MLN: variants seen among roughly 807,000 people sequenced by gnomAD.
MLN encodes the protein promotilin.
In MLN, 14 loss-of-function variants were observed where a neutral mutation model predicts 13.3. The ratio of observed to expected loss-of-function variants is 1.05; its 90% confidence interval spans 0.69 to 1.64. The LOEUF (loss-of-function observed/expected upper bound fraction) is 1.64, where lower values mean the gene tolerates loss of function less well. Ranked by LOEUF, MLN falls within the 40% of genes most tolerant of loss-of-function variation. MLN has a pLI of 0.00. For missense variants in MLN, 122 were observed against 142.9 expected (o/e 0.85, Z 0.75); for synonymous variants, 59 against 54.7 (o/e 1.08, Z -0.34).
At position 33,795,048 on chromosome 6, in the gene MLN, G is replaced by A. The variant is rs72896131; in HGVS notation, c.338-213C>T. On this transcript the variant is annotated intron_variant, in intron 4 of 4. Transcript: ENST00000430124. ...TCTCCATCACTAACAGCACTTCCTC[G>A]AGTCTCTCCTCTCCTCCTGGGGACT... Among the ~76,000 whole-genome samples, 268 of 152,320 alleles carry A rather than the reference G, an allele frequency of 1.8e-3. 1 individual carries two copies. The highest frequency in any genetic ancestry group is 3.4e-3 in the Middle Eastern group (1 of 294).
Position 33,795,546 on chromosome 6 carries a change from C to A in MLN, c.294G>T (p.Pro98=). 6.4e-7 allele frequency: 1 copy of A among 1,567,488 alleles called. No individual in the cohort carries two copies. Among genetic ancestry groups the A allele is most frequent in the East Asian group, 2.3e-5 (1 of 43,066 alleles). ...CACTCAGCAGCCCTTCCAGGGTGGC[C>A]GGGTACTTTTCCAGCTGTCTGGAGT... The part of the protein sequence containing the change: ...RMNSRQLEKY[P]ATLEGLLSEM... Residue 98 remains proline (P), a synonymous_variant, in exon 4 of 5, where the codon CCG becomes CCT. Transcript: ENST00000430124.
At chr6:33,794,946 G>A in intron 4 of MLN, 111 bp from the exon 5 acceptor site, 1 of 1,379,502 alleles carries the variant, frequency 7.2e-7, no homozygotes, top group Non-Finnish European at 1.0e-6. Context: ...AGGGCAGGCT[G>A]GGCGGGAAGG....
At chr6:33,800,698 C>G (rs534929867) in intron 2 of MLN, among the ~76,000 whole-genome samples, 15 of 152,372 alleles carry the variant, frequency 9.8e-5, no homozygotes, top group African/African-American at 3.6e-4. Context: ...ATGTTCGTAT[C>G]TTGGCACCCC....
intron 3 of MLN, among the ~76,000 whole-genome samples, chr6:33,796,002 C>T (rs1767910391): frequency 6.7e-6 from 1 of 149,732 alleles, no homozygotes; most frequent in Non-Finnish European, 1.5e-5. Context: ...CTCTGTCGCC[C>T]AGGCTGGAGT....
chr6:33,801,770 A>G (rs1459268672), intron 1 of MLN, among the ~76,000 whole-genome samples: 2 of 152,208 alleles, frequency 1.3e-5, no homozygotes, highest in Admixed American at 1.3e-4. Flanking sequence ...CCGTTGGGGG[A>G]GCGATGGCTT....
At chr6:33,802,611 C>A (rs73412157) in intron 1 of MLN, among the ~76,000 whole-genome samples, 7,339 of 152,298 alleles carry the variant, frequency 0.048, 473 homozygotes, top group African/African-American at 0.15. Context: ...CTTCCCACTT[C>A]CTATTTTCTC....
At chr6:33,800,843 G>A (rs1478431761) in intron 2 of MLN, among the ~76,000 whole-genome samples, 1 of 152,222 alleles carries the variant, frequency 6.6e-6, no homozygotes, top group Non-Finnish European at 1.5e-5. Flanking sequence ...TCCTCCAAAG[G>A]ATAGGCAGGG....
chr6:33,798,630 G>A (rs1226928999), intron 3 of MLN, among the ~76,000 whole-genome samples: 1 of 152,216 alleles, frequency 6.6e-6, no homozygotes, highest in Non-Finnish European at 1.5e-5. Flanking sequence ...GGCGCTGCAT[G>A]CAGGCCCTGC....
intron 3 of MLN, among the ~76,000 whole-genome samples, chr6:33,797,688 G>A (rs12153877): frequency 0.12 from 18,168 of 151,942 alleles, 1,485 homozygotes; most frequent in Middle Eastern, 0.23. Flanking sequence ...CTCCAAGACC[G>A]CCCGAGGCCG....
rs765216527 is a variant in MLN at position 33,801,177 on chromosome 6, A to G, written c.-7-7T>C. On this transcript the variant is annotated splice_region_variant and splice_polypyrimidine_tract_variant and intron_variant, in intron 1 of 4. Transcript: ENST00000430124. ...ACGGGATACCATCTTGGAGCTGGAC[A>G]ATGACAAGGAGCTCTTGTCACTAAG... 6.2e-7 allele frequency: 1 copy of G among 1,601,882 alleles called. No homozygotes were observed. The highest frequency in any genetic ancestry group is 1.1e-5 in the South Asian group (1 of 90,754).
intron 3 of MLN, among the ~76,000 whole-genome samples, chr6:33,797,700 ACTCT>A (rs59491427): frequency 0.031 from 4,698 of 151,934 alleles, 104 homozygotes; most frequent in Non-Finnish European, 0.04. Flanking sequence ...CCGAGGCCGA[ACTCT>A]CTCTCTCTCT....
At chr6:33,801,323 T>G (rs1346190929) in intron 1 of MLN, among the ~76,000 whole-genome samples, 153 bp from the exon 2 acceptor site, 1 of 152,240 alleles carries the variant, frequency 6.6e-6, no homozygotes, top group Non-Finnish European at 1.5e-5. Context: ...GGGCCTGGTA[T>G]CAGAGCTTGA....
intron 1 of MLN, 38 bp from the exon 2 acceptor site, chr6:33,801,208 G>A: frequency 6.6e-7 from 1 of 1,506,694 alleles, no homozygotes; most frequent in Non-Finnish European, 9.2e-7. Flanking sequence ...CTAAGTTTGG[G>A]GTACAGTGGC....
intron 3 of MLN, among the ~76,000 whole-genome samples, 170 bp downstream of exon 3, chr6:33,798,935 A>T (rs549562431): frequency 6.6e-6 from 1 of 152,156 alleles, no homozygotes; most frequent in East Asian, 1.9e-4. Context: ...TCGTTGCTGG[A>T]GTCCGTCTCT....
chr6:33,797,586 T>C (rs527580498), intron 3 of MLN, among the ~76,000 whole-genome samples: 23 of 152,304 alleles, frequency 1.5e-4, no homozygotes, highest in African/African-American at 5.5e-4. Flanking sequence ...CAATTTTCAC[T>C]TTTTCTTTAC....
chr6:33,796,808 T>C (rs1465194798), intron 3 of MLN, among the ~76,000 whole-genome samples: 1 of 152,176 alleles, frequency 6.6e-6, no homozygotes, highest in African/African-American at 2.4e-5. Context: ...CTCTCAGCTC[T>C]GTATGTTGTG....
chr6:33,795,659 C>A lies in MLN; in HGVS notation c.235-54G>T, dbSNP rs546786839. 6 of 1,471,098 alleles carry A rather than the reference C, an allele frequency of 4.1e-6. No homozygotes were observed. The Admixed American group carries it at 9.8e-5, about 24-fold the overall frequency. The allele number at this position is 1,471,098 out of a possible 1,614,324, so 91.1% of individuals were successfully genotyped here. On this transcript the variant is annotated intron_variant, in intron 3 of 4. Transcript: ENST00000430124. Reference sequence around the variant, plus strand: ...GGGAGAGGTGGAGAGGGCCCTTAACCCCTGGGTGCACTACAGGTGGCAGGA... The same window carrying A: ...GGGAGAGGTGGAGAGGGCCCTTAACACCTGGGTGCACTACAGGTGGCAGGA...
In MLN at chr6:33,799,449, TGAA is replaced by T. The variant is rs376110803; in HGVS notation, c.118-231_118-229del. Among the ~76,000 whole-genome samples the T allele has an allele frequency of 2.2e-4, 33 of 152,326 alleles. No homozygotes were observed. Among genetic ancestry groups the T allele is most frequent in the African/African-American group, 7.7e-4 (32 of 41,574 alleles). On this transcript the variant is annotated intron_variant, in intron 2 of 4. Coordinates refer to ENST00000430124, the MANE Select transcript of MLN (RefSeq NM_002418.3). This position sits in a 1 kb window ranked among gnomAD's most constrained non-coding sequence, Gnocchi z 4.6. Reference sequence around the variant, plus strand: ...AGGGCCTTGCTCTTCAAGGTCAACTTGAAGAGGAATCCATTCCTTTGTAGTTAA... The same window carrying T: ...AGGGCCTTGCTCTTCAAGGTCAACTTGAGGAATCCATTCCTTTGTAGTTAA...
chr6:33,794,785 G>A lies in MLN; in HGVS notation c.*40C>T. The A allele has an allele frequency of 6.2e-7, 1 of 1,612,252 alleles. No individual in the cohort carries two copies. On this transcript the variant is annotated 3_prime_UTR_variant, in exon 5 of 5. Coordinates refer to ENST00000430124, the MANE Select transcript of MLN (RefSeq NM_002418.3). The stretch of plus-strand genomic sequence containing the variant: ...TCCCAGGGCCTCACTTGGGCAGGAG[G>A]GGCCTCCCAAATCTGTCCACCTTCT...
Sources: allele counts gnomAD v4.1 joint callset (sites outside exome capture counted in the v4.1 genomes callset), GRCh38; gene constraint gnomAD v4.1.1; non-coding constraint Gnocchi (gnomAD v3.1); transcripts MANE v1.5; gene names NCBI Gene and HGNC (gene_info 2026-07-23, HGNC 2026-07-21).